PCDH15: variants seen among roughly 807,000 people sequenced by gnomAD.
PCDH15 encodes the protein protocadherin-15.
Under a neutral mutation model 178.5 loss-of-function variants are expected in PCDH15, and 129 were observed. The ratio of observed to expected loss-of-function variants is 0.72; its 90% confidence interval spans 0.63 to 0.84. The LOEUF (loss-of-function observed/expected upper bound fraction) is 0.84. PCDH15 is among the 40% of genes least tolerant of loss of function. The pLI, the probability that PCDH15 is intolerant of heterozygous loss-of-function variation, is 0.00. For missense variants in PCDH15, 2,230 were observed against 2,099.9 expected, an observed-to-expected ratio of 1.06 and a Z score of -1.21; for synonymous variants, 800 against 732.0, an observed-to-expected ratio of 1.09 and a Z score of -1.50.
intron 2 of PCDH15, among the ~76,000 whole-genome samples, chr10:54,552,055 T>C (rs1299263590): frequency 6.6e-6 from 1 of 152,168 alleles, no homozygotes; most frequent in Admixed American, 6.5e-5. Context: ...ATTTCCAGAC[T>C]CATATAACTG....
intron 3 of PCDH15, among the ~76,000 whole-genome samples, chr10:54,420,781 T>C (rs912041916): frequency 1.3e-5 from 2 of 151,988 alleles, no homozygotes; most frequent in Non-Finnish European, 2.9e-5. Context: ...CTGAGAATAG[T>C]TGATTGGATT....
At chr10:55,467,966 CAAAAAA>C (rs71463104) in intron 2 of PCDH15, among the ~76,000 whole-genome samples, 41 of 36,636 alleles carry the variant, frequency 1.1e-3, no homozygotes, top group Middle Eastern at 0.015. Context: ...GACTCCGTCT[CAAAAAA>C]AAAAAAAAAA....
intron 9 of PCDH15, among the ~76,000 whole-genome samples, chr10:54,221,343 T>C (rs749146863): frequency 6.6e-6 from 1 of 152,164 alleles, no homozygotes; most frequent in Non-Finnish European, 1.5e-5. Context: ...ATTTTGAAGA[T>C]TACGGGTTTT....
At chr10:54,138,105 A>C (rs2043052789) in intron 14 of PCDH15, among the ~76,000 whole-genome samples, 1 of 152,084 alleles carries the variant, frequency 6.6e-6, no homozygotes, top group Non-Finnish European at 1.5e-5. Flanking sequence ...CCCTCCTCTC[A>C]GTTTGAGAAT....
intron 2 of PCDH15, among the ~76,000 whole-genome samples, chr10:54,591,502 C>T (rs900667827): frequency 6.6e-6 from 1 of 152,116 alleles, no homozygotes; most frequent in Admixed American, 6.6e-5. Context: ...ATTACCTTGC[C>T]AATTTAACCT....
At chr10:55,291,343 A>G (rs1169808366) in intron 1 of PCDH15, among the ~76,000 whole-genome samples, 1 of 152,218 alleles carries the variant, frequency 6.6e-6, no homozygotes, top group Non-Finnish European at 1.5e-5. Flanking sequence ...ATATGATTGA[A>G]GCAAAGGACA....
At chr10:54,985,199 T>C (rs929154337) in intron 2 of PCDH15, among the ~76,000 whole-genome samples, 1 of 152,182 alleles carries the variant, frequency 6.6e-6, no homozygotes, top group Non-Finnish European at 1.5e-5. Context: ...ACTAATTTCA[T>C]GCCTTAGGTA....
At chr10:54,779,481 T>TATATATACAC (rs767477106) in intron 1 of PCDH15, among the ~76,000 whole-genome samples, 2 of 74,246 alleles carry the variant, frequency 2.7e-5, no homozygotes, top group African/African-American at 1.1e-4. Flanking sequence ...TATACACACA[T>TATATATACAC]ATATATGTAT....
At chr10:54,088,518 T>C (rs2136035481) in intron 16 of PCDH15, among the ~76,000 whole-genome samples, 1 of 152,302 alleles carries the variant, frequency 6.6e-6, no homozygotes, top group South Asian at 2.1e-4. Flanking sequence ...CACTTTAGGA[T>C]GGTGCTCCTT....
intron 2 of PCDH15, among the ~76,000 whole-genome samples, chr10:54,540,587 G>A (rs2085101015): frequency 6.6e-6 from 1 of 152,048 alleles, no homozygotes; most frequent in Admixed American, 6.6e-5. Context: ...GTACAAAGAA[G>A]AGCTGGTACC....
intron 2 of PCDH15, among the ~76,000 whole-genome samples, chr10:54,985,934 G>A (rs1035515734): frequency 5.3e-5 from 8 of 152,184 alleles, no homozygotes; most frequent in South Asian, 2.1e-4. Flanking sequence ...ACTAGGTGGC[G>A]TTAGGCCTTA....
chr10:54,804,938 T>TATATATATATACAC (rs1554800511), upstream of PCDH15, among the ~76,000 whole-genome samples: 2 of 126,424 alleles, frequency 1.6e-5, no homozygotes, highest in Non-Finnish European at 3.4e-5. Flanking sequence ...TATATATATA[T>TATATATATATACAC]ATATATATAT....
At chr10:54,026,161 C>A (rs1351409670) in intron 18 of PCDH15, among the ~76,000 whole-genome samples, 1 of 151,844 alleles carries the variant, frequency 6.6e-6, no homozygotes, top group Non-Finnish European at 1.5e-5. Context: ...CTTCACCTCC[C>A]AGGCTCAAGC....
chr10:55,483,280 AC>A (rs1372135413), intron 2 of PCDH15, among the ~76,000 whole-genome samples: 14 of 107,262 alleles, frequency 1.3e-4, no homozygotes. Flanking sequence ...ATAAATTTTT[AC>A]AAAAAAAAAT....
intron 3 of PCDH15, among the ~76,000 whole-genome samples, chr10:54,464,503 G>T (rs1330857058): frequency 6.6e-6 from 1 of 152,158 alleles, no homozygotes; most frequent in Non-Finnish European, 1.5e-5. Flanking sequence ...TAATATTTTT[G>T]TGTTTACACA....
At chr10:55,549,949 G>A (rs550788941) in intron 2 of PCDH15, among the ~76,000 whole-genome samples, 3 of 152,168 alleles carry the variant, frequency 2.0e-5, no homozygotes, top group South Asian at 4.1e-4. Flanking sequence ...GTGCGCATGC[G>A]TGCATTTTAG....
chr10:55,015,289 C>T (rs1230614803), intron 2 of PCDH15, among the ~76,000 whole-genome samples: 1 of 151,924 alleles, frequency 6.6e-6, no homozygotes, highest in East Asian at 1.9e-4. Flanking sequence ...GGCCAGTAGG[C>T]TCCACAGAGA....
At chr10:55,338,683 G>A (rs1417827952) in intron 2 of PCDH15, among the ~76,000 whole-genome samples, 4 of 152,074 alleles carry the variant, frequency 2.6e-5, no homozygotes, top group Non-Finnish European at 2.9e-5. Flanking sequence ...CAGGGGAATC[G>A]CTTGGACCCA....
At chr10:54,458,859 T>C (rs2076997219) in intron 3 of PCDH15, among the ~76,000 whole-genome samples, 1 of 152,174 alleles carries the variant, frequency 6.6e-6, no homozygotes, top group Admixed American at 6.6e-5. Flanking sequence ...AAACTTTCAG[T>C]ATCATAAGTT....
Sources: gnomAD v4.1 joint callset for allele counts (sites outside exome capture counted in the v4.1 genomes callset) on GRCh38, gnomAD v4.1.1 for gene constraint, MANE v1.5 for transcripts, NCBI Gene and HGNC (gene_info 2026-07-23, HGNC 2026-07-21) for gene names.